Variants in PRRG1 observed in about 807,000 individuals in gnomAD.
PRRG1 encodes the protein transmembrane gamma-carboxyglutamic acid protein 1.
In PRRG1, 5 loss-of-function variants were observed where a neutral mutation model predicts 11.8. The observed-to-expected ratio is 0.42, with a 90% CI of 0.22 to 0.89. PRRG1 has a LOEUF of 0.89. Ranked by LOEUF, PRRG1 falls within the 40% of genes least tolerant of loss-of-function variation. PRRG1 has a pLI of 0.28. For missense variants in PRRG1, 155 were observed against 166.1 expected, an observed-to-expected ratio of 0.93 and a Z score of 0.37; for synonymous variants, 66 against 60.4, an observed-to-expected ratio of 1.09 and a Z score of -0.43.
intron 2 of PRRG1, among the ~76,000 whole-genome samples, chrX:37,422,003 A>G (rs1405355063): frequency 1.8e-5 from 2 of 111,754 alleles, no homozygotes; most frequent in African/African-American, 6.5e-5. Flanking sequence ...CCAGTACAAG[A>G]AATACATAGA....
At chrX:37,381,596 C>T (rs1457842056) in intron 1 of PRRG1, among the ~76,000 whole-genome samples, 1 of 111,155 alleles carries the variant, frequency 9.0e-6, no homozygotes, top group Admixed American at 9.6e-5. Flanking sequence ...CCTTCTATAT[C>T]CTGTCTCTGT....
chrX:37,416,731 C>T (rs1356329922), intron 2 of PRRG1, among the ~76,000 whole-genome samples: 1 of 112,133 alleles, frequency 8.9e-6, no homozygotes, highest in Non-Finnish European at 1.9e-5. Flanking sequence ...ATTAGAATAC[C>T]ATACCTTTAA....
chrX:37,442,018 C>T lies in PRRG1; in HGVS notation c.172-11118C>T, dbSNP rs984737854. On this transcript the variant is annotated intron_variant, in intron 3 of 3. Coordinates refer to ENST00000378628, the MANE Select transcript of PRRG1 (RefSeq NM_001142395.2). ...CAAGACGTGAGCCCCAGAAGCAGGC[C>T]TGGCAGAGTACCTGTTTGACAAGCT... 15 of 770,046 alleles carry T rather than the reference C, an allele frequency of 1.9e-5. No individual in the cohort carries two copies. In the African/African-American group the frequency reaches 3.5e-4, roughly 18 times the overall value. 63.5% of individuals were successfully genotyped at this position (770,046 alleles called of 1,213,427 possible).
intron 3 of PRRG1, among the ~76,000 whole-genome samples, chrX:37,435,557 G>A (rs1932876135): frequency 9.0e-6 from 1 of 110,560 alleles, no homozygotes; most frequent in Non-Finnish European, 1.9e-5. Flanking sequence ...CTTTGACCTG[G>A]TAATCAAAGT....
intron 1 of PRRG1, among the ~76,000 whole-genome samples, chrX:37,352,953 A>G (rs1438863448): frequency 8.9e-6 from 1 of 111,988 alleles, no homozygotes; most frequent in Non-Finnish European, 1.9e-5. Flanking sequence ...ACACTTGATA[A>G]TAAATAACTA....
At chrX:37,376,709 C>T (rs2146536631) in intron 1 of PRRG1, among the ~76,000 whole-genome samples, 1 of 104,162 alleles carries the variant, frequency 9.6e-6, no homozygotes, top group African/African-American at 3.5e-5. Context: ...CCATGTGTTC[C>T]TTCAGTAACT....
intron 1 of PRRG1, among the ~76,000 whole-genome samples, chrX:37,380,167 C>G (rs1157110021): frequency 1.1e-4 from 12 of 111,285 alleles, no homozygotes; most frequent in African/African-American, 3.9e-4. Flanking sequence ...ACAGCATTTG[C>G]AGAGAACTAG....
chrX:37,390,586 G>C (rs1046190815), intron 1 of PRRG1, among the ~76,000 whole-genome samples: 2 of 112,058 alleles, frequency 1.8e-5, no homozygotes, highest in Non-Finnish European at 3.8e-5. Flanking sequence ...AATCAGGCTA[G>C]TGATTCCTAG....
intron 2 of PRRG1, among the ~76,000 whole-genome samples, chrX:37,416,522 A>G (rs1273262694): frequency 3.6e-5 from 4 of 111,933 alleles, no homozygotes; most frequent in Non-Finnish European, 5.6e-5. Flanking sequence ...TACGGTTGTA[A>G]CAACCGCAAA....
intron 3 of PRRG1, among the ~76,000 whole-genome samples, chrX:37,428,487 T>C (rs1307406231): frequency 8.9e-6 from 1 of 111,919 alleles, no homozygotes; most frequent in Non-Finnish European, 1.9e-5. Context: ...CAGTCAAATC[T>C]TAAAACTCCA....
intron 1 of PRRG1, among the ~76,000 whole-genome samples, chrX:37,365,170 G>C (rs1556368921): frequency 9.0e-6 from 1 of 111,731 alleles, no homozygotes; most frequent in Non-Finnish European, 1.9e-5. Flanking sequence ...TTGGAAGAAG[G>C]AGTCGGGGGC....
chrX:37,356,207 G>A (rs1342718365), intron 1 of PRRG1, among the ~76,000 whole-genome samples: 1 of 111,813 alleles, frequency 8.9e-6, no homozygotes, highest in Non-Finnish European at 1.9e-5. Context: ...TATGTTAAGT[G>A]ACATGGTGCT....
intron 3 of PRRG1, among the ~76,000 whole-genome samples, chrX:37,445,258 A>G (rs1359553124): frequency 8.9e-6 from 1 of 112,375 alleles, no homozygotes; most frequent in Non-Finnish European, 1.9e-5. Flanking sequence ...CTTCTGAGGC[A>G]GGACCTAGGC....
Position 37,406,217 on chromosome X carries a change from C to T in PRRG1, c.-33C>T. 1 of 1,210,022 alleles carries T rather than the reference C, an allele frequency of 8.3e-7. No individual in the cohort carries two copies. ...TGCTCTGTTTTGTACAGGGAATCAT[C>T]ATCCAGGGACGTGCCAGAAACCACA... On this transcript the variant is annotated 5_prime_UTR_variant, in exon 2 of 4. Coordinates refer to ENST00000378628, the MANE Select transcript of PRRG1 (RefSeq NM_001142395.2).
chrX:37,420,014 TATC>T (rs1178839055), intron 2 of PRRG1, among the ~76,000 whole-genome samples: 1 of 111,654 alleles, frequency 9.0e-6, no homozygotes, highest in Non-Finnish European at 1.9e-5. Flanking sequence ...GCTTGATAAA[TATC>T]ATTTTTTTTA....
chrX:37,401,108 G>T (rs1245607712), intron 1 of PRRG1, among the ~76,000 whole-genome samples: 2 of 110,793 alleles, frequency 1.8e-5, no homozygotes, highest in Non-Finnish European at 3.8e-5. Context: ...AATAGAAAAA[G>T]AGGGAATCCT....
At chrX:37,364,914 T>G (rs1158623284) in intron 1 of PRRG1, among the ~76,000 whole-genome samples, 13 of 112,478 alleles carry the variant, frequency 1.2e-4, no homozygotes, top group African/African-American at 4.2e-4. Context: ...AGTCAGATGT[T>G]GTCTCTGTAA....
At chrX:37,355,568 A>G (rs1930210614) in intron 1 of PRRG1, among the ~76,000 whole-genome samples, 1 of 111,966 alleles carries the variant, frequency 8.9e-6, no homozygotes, top group South Asian at 3.8e-4. Context: ...AATGTTATGA[A>G]CATATAATTG....
At chrX:37,399,952 C>A (rs1445343878) in intron 1 of PRRG1, among the ~76,000 whole-genome samples, 1 of 111,376 alleles carries the variant, frequency 9.0e-6, no homozygotes, top group Admixed American at 9.5e-5. Context: ...TATATATGCA[C>A]CCAATACAGG....
Sources: allele counts gnomAD v4.1 joint callset (sites outside exome capture counted in the v4.1 genomes callset), GRCh38; gene constraint gnomAD v4.1.1; transcripts MANE v1.5; gene names NCBI Gene and HGNC (gene_info 2026-07-23, HGNC 2026-07-21).